The following MUSK variants were observed in gnomAD, a reference collection of about 807,000 sequenced individuals.
The protein encoded by MUSK is muscle, skeletal receptor tyrosine-protein kinase.
A neutral mutation model predicts 88.7 loss-of-function variants in MUSK; 55 were observed. The ratio of observed to expected loss-of-function variants is 0.62; its 90% confidence interval spans 0.50 to 0.78. MUSK has a LOEUF of 0.78. Among genes scored for constraint, MUSK ranks in the 30% least tolerant of loss-of-function variants. The pLI is 0.00. For missense variants in MUSK, 1,015 were observed against 1,074.3 expected, an observed-to-expected ratio of 0.94 and a Z score of 0.77; for synonymous variants, 387 against 391.9, an observed-to-expected ratio of 0.99 and a Z score of 0.15.
intron 1 of MUSK, 143 bp from the exon 2 acceptor site, chr9:110,682,531 T>C: frequency 2.8e-6 from 2 of 725,354 alleles, no homozygotes; most frequent in Non-Finnish European, 4.4e-6. Flanking sequence ...ATTCTTTACA[T>C]AAGCTCTTCC....
At chr9:110,714,503 T>C (rs1292530564) in intron 5 of MUSK, among the ~76,000 whole-genome samples, 1 of 152,108 alleles carries the variant, frequency 6.6e-6, no homozygotes, top group Admixed American at 6.6e-5. Context: ...TCCTTCAGAG[T>C]TGGAGCCACA....
At position 110,684,221 on chromosome 9, in the gene MUSK, C is replaced by A. The variant is rs143274936; in HGVS notation, c.206+1421C>A. 8.5e-3 allele frequency among the ~76,000 whole-genome samples: 1,297 copies of A among 152,236 alleles called. 12 individuals carry two copies. The highest frequency in any genetic ancestry group is 0.012 in the Non-Finnish European group (831 of 67,996). The stretch of plus-strand genomic sequence containing the variant: ...CATGGATATCCAGTTTTCCACACAT[C>A]ATTTACTGAAGAGACTGTCTTTTTC... On this transcript the variant is annotated intron_variant, in intron 2 of 14. Transcript: ENST00000374448.
chr9:110,685,045 A>T (rs2076178421), intron 2 of MUSK, among the ~76,000 whole-genome samples: 1 of 152,070 alleles, frequency 6.6e-6, no homozygotes, highest in Non-Finnish European at 1.5e-5. Flanking sequence ...TGCATTCCAG[A>T]CTAGAGGAAA....
At chr9:110,678,446 T>C (rs1321691650) in intron 1 of MUSK, among the ~76,000 whole-genome samples, 2 of 152,128 alleles carry the variant, frequency 1.3e-5, no homozygotes, top group African/African-American at 4.8e-5. Context: ...ACCTGGCTCC[T>C]TGTAGCTTTT....
intron 14 of MUSK, among the ~76,000 whole-genome samples, chr9:110,791,104 G>C (rs939921462): frequency 3.3e-5 from 5 of 152,148 alleles, no homozygotes; most frequent in Admixed American, 3.3e-4. Context: ...TTCAGGGGGA[G>C]GAGCCAAGAT....
chr9:110,756,502 C>T (rs937738439), intron 7 of MUSK, among the ~76,000 whole-genome samples: 3 of 151,236 alleles, frequency 2.0e-5, no homozygotes, highest in African/African-American at 7.3e-5. Context: ...TCACTCTGCC[C>T]TCAGATTGTT....
chr9:110,680,898 A>G (rs888287658), intron 1 of MUSK, among the ~76,000 whole-genome samples: 4 of 129,400 alleles, frequency 3.1e-5, no homozygotes, highest in Non-Finnish European at 6.3e-5. Flanking sequence ...ATTCTTTAAT[A>G]GTGTCCATGT....
chr9:110,747,581 C>T, intron 6 of MUSK, 60 bp from the exon 7 acceptor site: 1 of 1,481,428 alleles, frequency 6.8e-7, no homozygotes, highest in East Asian at 2.3e-5. Context: ...TTCAAATCTA[C>T]TGACATAGTA....
intron 11 of MUSK, among the ~76,000 whole-genome samples, chr9:110,781,291 G>T (rs1036145780): frequency 2.4e-5 from 3 of 124,776 alleles, no homozygotes; most frequent in Admixed American, 8.3e-5. Context: ...GTTTTGTTTT[G>T]TTTGAGACGG....
At chr9:110,772,698 C>T (rs572200798) in intron 9 of MUSK, among the ~76,000 whole-genome samples, 2 of 152,124 alleles carry the variant, frequency 1.3e-5, no homozygotes, top group South Asian at 2.1e-4. Context: ...AATAGTGATG[C>T]GTCAAAATTT....
intron 11 of MUSK, among the ~76,000 whole-genome samples, chr9:110,779,125 T>A (rs1400196602): frequency 6.6e-6 from 1 of 151,842 alleles, no homozygotes; most frequent in Non-Finnish European, 1.5e-5. Context: ...TGAAATGTGG[T>A]TTGGGTAATT....
intron 1 of MUSK, 123 bp downstream of exon 1, chr9:110,669,106 T>G: frequency 1.2e-6 from 1 of 853,582 alleles, no homozygotes; most frequent in South Asian, 1.4e-5. Flanking sequence ...GAAGTAAGGG[T>G]GAAATGTATG....
At chr9:110,677,048 C>T (rs963169417) in intron 1 of MUSK, among the ~76,000 whole-genome samples, 6 of 152,276 alleles carry the variant, frequency 3.9e-5, no homozygotes, top group African/African-American at 1.4e-4. Context: ...CCGTGGTTAA[C>T]CCGTCTTTCT....
At position 110,762,765 on chromosome 9, in the gene MUSK, A is replaced by C. The variant is rs993522774; in HGVS notation, c.920+557A>C. On this transcript the variant is annotated intron_variant, in intron 8 of 14. Transcript: ENST00000374448. ...CAGTGTTTTATTTGCAGTACTTTTA[A>C]AACTGACCTTCATAAAACTCTATGG... is the stretch of plus-strand genomic sequence containing the variant. Among the ~76,000 whole-genome samples the C allele has an allele frequency of 2.9e-4, 44 of 152,276 alleles. 1 individual carries two copies. The highest frequency in any genetic ancestry group is 2.8e-3 in the Admixed American group (43 of 15,298).
At chr9:110,785,996 A>G (rs534071654) in intron 13 of MUSK, among the ~76,000 whole-genome samples, 1 of 149,620 alleles carries the variant, frequency 6.7e-6, no homozygotes, top group African/African-American at 2.4e-5. Context: ...ATAATATACT[A>G]TATAAAATAG....
intron 6 of MUSK, among the ~76,000 whole-genome samples, chr9:110,737,650 G>C (rs918669120): frequency 3.3e-5 from 5 of 152,056 alleles, no homozygotes; most frequent in Non-Finnish European, 5.9e-5. Flanking sequence ...TACAGAGCTT[G>C]AGGTGAGAAA....
intron 7 of MUSK, among the ~76,000 whole-genome samples, chr9:110,755,949 T>TATATATA (rs2077310026): frequency 1.9e-5 from 1 of 52,074 alleles, no homozygotes; most frequent in Non-Finnish European, 3.9e-5. Context: ...TATATATATA[T>TATATATA]ACACATATAT....
intron 11 of MUSK, 70 bp downstream of exon 11, chr9:110,776,725 C>T: frequency 7.7e-7 from 1 of 1,301,602 alleles, no homozygotes; most frequent in Non-Finnish European, 1.1e-6. Flanking sequence ...TGTGTTTACA[C>T]TTATATTTCC....
chr9:110,716,143 G>GA lies in MUSK; in HGVS notation c.629-18100dup, dbSNP rs61499703. On this transcript the variant is annotated intron_variant, in intron 5 of 14. Transcript: ENST00000374448. ...CCTGAACTTAAAATAGAAGTTGGGGGAAAAAAAAGAAAAAAGAAAATATTA... is the reference window on the plus strand; with the variant it reads ...CCTGAACTTAAAATAGAAGTTGGGGGAAAAAAAAAGAAAAAAGAAAATATTA... Among the ~76,000 whole-genome samples the GA allele has an allele frequency of 1.9e-4, 28 of 148,528 alleles. No individual in the cohort carries two copies. The East Asian group carries it at 4.5e-3, about 24-fold the overall frequency.
Sources: allele counts gnomAD v4.1 joint callset (sites outside exome capture counted in the v4.1 genomes callset), GRCh38; gene constraint gnomAD v4.1.1; transcripts MANE v1.5; gene names NCBI Gene and HGNC (gene_info 2026-07-23, HGNC 2026-07-21).